PHF24: variants seen among roughly 807,000 people sequenced by gnomAD.
PHF24 encodes the protein PHD finger protein 24.
Under a neutral mutation model 42.6 loss-of-function variants are expected in PHF24, and 25 were observed. The ratio of observed to expected loss-of-function variants is 0.59; its 90% CI spans 0.43 to 0.82. The LOEUF is 0.82. PHF24 is among the 40% of genes least tolerant of loss of function. The pLI is 0.00. For missense variants in PHF24, 470 were observed against 538.1 expected (o/e 0.87, Z 1.25); for synonymous variants, 185 against 204.8 (o/e 0.90, Z 0.83).
the PHF24 span, among the ~76,000 whole-genome samples, chr9:34,668,986 T>C: frequency 6.6e-6 from 1 of 152,220 alleles, no homozygotes; most frequent in South Asian, 2.1e-4. Flanking sequence ...GTGTATTCAG[T>C]GAAAGGCTGA....
the PHF24 span, among the ~76,000 whole-genome samples, chr9:34,785,873 T>C: frequency 6.6e-6 from 1 of 152,340 alleles, no homozygotes; most frequent in Non-Finnish European, 1.5e-5. Flanking sequence ...ATTGGTGGAA[T>C]GGCTGCAGGG....
chr9:34,779,079 C>T, the PHF24 span, among the ~76,000 whole-genome samples: 7 of 151,822 alleles, frequency 4.6e-5, no homozygotes, highest in Non-Finnish European at 7.4e-5. Context: ...ACTACCAAAA[C>T]GTATGGAAAG....
At chr9:34,815,099 A>G in the PHF24 span, among the ~76,000 whole-genome samples, 2 of 152,220 alleles carry the variant, frequency 1.3e-5, no homozygotes, top group African/African-American at 2.4e-5. Flanking sequence ...TTTCTCAAGC[A>G]CTGCAGCTGC....
chr9:34,835,200 G>A, the PHF24 span: 2 of 1,551,812 alleles, frequency 1.3e-6, no homozygotes, highest in Non-Finnish European at 1.7e-6. Flanking sequence ...GTCTGGATGG[G>A]CTGGCCAGCC....
chr9:34,802,160 CT>C, the PHF24 span, among the ~76,000 whole-genome samples: 2 of 151,958 alleles, frequency 1.3e-5, no homozygotes, highest in Non-Finnish European at 2.9e-5. Flanking sequence ...TCCTTTTAAT[CT>C]GCCCATCAAC....
the PHF24 span, among the ~76,000 whole-genome samples, chr9:34,708,209 C>G: frequency 2.0e-5 from 3 of 152,100 alleles, no homozygotes; most frequent in African/African-American, 7.2e-5. Flanking sequence ...GGAGAGGAGA[C>G]TGATTCACAC....
the PHF24 span, among the ~76,000 whole-genome samples, chr9:34,815,478 A>G: frequency 6.6e-6 from 1 of 151,976 alleles, no homozygotes; most frequent in African/African-American, 2.4e-5. Flanking sequence ...GCCCGCCACC[A>G]CGCCCAGCTA....
At chr9:34,728,653 C>A in the PHF24 span, 85 of 1,551,378 alleles carry the variant, frequency 5.5e-5, no homozygotes, top group Non-Finnish European at 7.1e-5. Flanking sequence ...TTTTTGGTGA[C>A]ACTTAGAAGA....
chr9:34,908,666 C>A, the PHF24 span, among the ~76,000 whole-genome samples: 1,307 of 152,056 alleles, frequency 8.6e-3, 12 homozygotes, highest in Non-Finnish European at 0.012. Flanking sequence ...AGGTAAAGAT[C>A]CAATAAGACA....
rs1827121969 is a variant in PHF24 at position 34,974,634 on chromosome 9, G to T, written c.565-1518G>T. Among the ~76,000 whole-genome samples, 3 of 152,028 alleles carry T rather than the reference G, an allele frequency of 2.0e-5. No homozygotes were observed. In the East Asian group the frequency reaches 5.8e-4, roughly 29 times the overall value. ...CAGTCCTGTTTCTCAGGGTTCTGTT[G>T]TTTAATACTCTTCTTTTCTCACTGC... On this transcript the variant is annotated intron_variant, in intron 3 of 7. Transcript: ENST00000242315.
At chr9:34,769,621 A>G in the PHF24 span, among the ~76,000 whole-genome samples, 38 of 152,348 alleles carry the variant, frequency 2.5e-4, no homozygotes, top group African/African-American at 8.4e-4. Flanking sequence ...AACTCTTAAA[A>G]GAAAGAACTA....
the PHF24 span, chr9:34,690,160 A>G: frequency 6.2e-7 from 1 of 1,609,744 alleles, no homozygotes; most frequent in South Asian, 1.1e-5. Context: ...TGGGAGTCTC[A>G]ACAGGGGCTA....
the PHF24 span, among the ~76,000 whole-genome samples, chr9:34,913,329 A>G: frequency 6.6e-6 from 1 of 152,210 alleles, no homozygotes; most frequent in Non-Finnish European, 1.5e-5. Flanking sequence ...ATTTACAGAT[A>G]TGAAATCTCA....
At chr9:34,937,952 G>A in the PHF24 span, among the ~76,000 whole-genome samples, 1 of 152,232 alleles carries the variant, frequency 6.6e-6, no homozygotes, top group South Asian at 2.1e-4. Context: ...CTGTGTCCAC[G>A]TGAGAATCAG....
the PHF24 span, among the ~76,000 whole-genome samples, chr9:34,936,330 G>A: frequency 2.6e-5 from 4 of 152,210 alleles, no homozygotes; most frequent in Non-Finnish European, 4.4e-5. Context: ...CTCGGCCTCC[G>A]GAGGTGCCGG....
chr9:34,953,415 G>A (rs55921454), upstream of PHF24, among the ~76,000 whole-genome samples: 3,267 of 152,252 alleles, frequency 0.021, 49 homozygotes, highest in African/African-American at 0.028. The surrounding 1 kb of genome is among the most constrained non-coding windows in gnomAD (Gnocchi z 4.1). Context: ...TGGGATTATA[G>A]GTGTGAGTCA....
At chr9:34,762,381 T>C in the PHF24 span, among the ~76,000 whole-genome samples, 1 of 151,186 alleles carries the variant, frequency 6.6e-6, no homozygotes, top group Non-Finnish European at 1.5e-5. Flanking sequence ...TTTTTAATGA[T>C]TGCCATTCTA....
the PHF24 span, chr9:34,836,972 C>A: frequency 4.9e-6 from 2 of 407,740 alleles, no homozygotes; most frequent in South Asian, 1.9e-5. Context: ...TCCCTCCCAG[C>A]CATTTTCCAT....
chr9:34,943,962 A>T, the PHF24 span, among the ~76,000 whole-genome samples: 1 of 152,202 alleles, frequency 6.6e-6, no homozygotes, highest in Non-Finnish European at 1.5e-5. Flanking sequence ...GGTGAACTAT[A>T]TGTCTTCTGA....
Sources: allele counts gnomAD v4.1 joint callset (sites outside exome capture counted in the v4.1 genomes callset), GRCh38; gene constraint gnomAD v4.1.1; non-coding constraint Gnocchi (gnomAD v3.1); transcripts MANE v1.5; gene names NCBI Gene and HGNC (gene_info 2026-07-23, HGNC 2026-07-21).